Variants in RORA observed in about 807,000 individuals in gnomAD.
RORA encodes RAR related orphan receptor A.
A neutral mutation model predicts 69.5 loss-of-function variants in RORA; 7 were observed. That is an observed-to-expected ratio of 0.10 (90% CI 0.06 to 0.19). RORA has a LOEUF of 0.19. Among genes scored for constraint, RORA ranks in the 10% least tolerant of loss-of-function variants. The probability of loss-of-function intolerance (pLI) is 1.00; values close to 1 mark genes in which losing one functional copy is unlikely to be tolerated. For synonymous variants in RORA, 261 were observed against 240.8 expected (o/e 1.08, Z -0.78); for missense variants, 457 against 663.0 (o/e 0.69, Z 3.41).
intron 1 of RORA, among the ~76,000 whole-genome samples, chr15:61,064,459 C>G (rs1048884729): frequency 6.6e-6 from 1 of 152,174 alleles, no homozygotes; most frequent in Non-Finnish European, 1.5e-5. Context: ...CCATAACCTA[C>G]TACTCCCACA....
In RORA at chr15:61,014,342, G is replaced by A. The variant is rs537232871; in HGVS notation, c.166+214711C>T. On this transcript the variant is annotated intron_variant, in intron 1 of 10. Transcript: ENST00000335670. The stretch of plus-strand genomic sequence containing the variant: ...GGCACATAGTAGGTCCTTAGACAAG[G>A]CTGCGGATGTGGCTTCCTCATGTCC... Among the ~76,000 whole-genome samples, 10 of 152,324 alleles carry A rather than the reference G, an allele frequency of 6.6e-5. No individual in the cohort carries two copies. In the East Asian group the frequency reaches 1.9e-3, roughly 29 times the overall value.
intron 1 of RORA, among the ~76,000 whole-genome samples, chr15:61,033,853 G>C (rs1359547652): frequency 6.6e-6 from 1 of 151,878 alleles, no homozygotes; most frequent in Non-Finnish European, 1.5e-5. Flanking sequence ...AAGATTCCTT[G>C]AGCCCAGAAC....
rs184669539 is a variant in RORA at position 60,865,098 on chromosome 15, C to T, written c.167-186412G>A. ...GATCCTGGTTCTCCCATTGCCTGGT[C>T]CAACGTTCTTTCCACCACATTCCAG... On this transcript the variant is annotated intron_variant, in intron 1 of 10. Coordinates refer to ENST00000335670, the MANE Select transcript of RORA (RefSeq NM_134261.3). Among the ~76,000 whole-genome samples, 403 of 152,296 alleles carry T rather than the reference C, an allele frequency of 2.6e-3. 3 individuals are homozygous for T. Among genetic ancestry groups the T allele is most frequent in the African/African-American group, 9.2e-3 (382 of 41,566 alleles).
intron 1 of RORA, among the ~76,000 whole-genome samples, chr15:61,122,594 C>G (rs60876755): frequency 6.6e-6 from 1 of 152,032 alleles, no homozygotes; most frequent in Non-Finnish European, 1.5e-5. Context: ...AAATACCCTA[C>G]GGAGGATATC....
chr15:61,006,679 C>T (rs994128413), intron 1 of RORA, among the ~76,000 whole-genome samples: 1 of 152,154 alleles, frequency 6.6e-6, no homozygotes, highest in African/African-American at 2.4e-5. Flanking sequence ...CCCCATCAGA[C>T]ACAGTTGGAA....
chr15:61,171,541 G>C (rs2079585105), intron 1 of RORA, among the ~76,000 whole-genome samples: 1 of 152,188 alleles, frequency 6.6e-6, no homozygotes, highest in East Asian at 1.9e-4. Context: ...AGAATACACT[G>C]CTCAGATGTG....
intron 1 of RORA, among the ~76,000 whole-genome samples, chr15:61,066,772 G>C (rs1036603226): frequency 1.3e-5 from 2 of 148,522 alleles, no homozygotes; most frequent in African/African-American, 2.5e-5. Flanking sequence ...AGAAGTTCCA[G>C]CTCTTTTTGG....
chr15:60,790,792 T>C (rs1199219865), intron 1 of RORA, among the ~76,000 whole-genome samples: 1 of 152,228 alleles, frequency 6.6e-6, no homozygotes, highest in Non-Finnish European at 1.5e-5. Context: ...TGGTTATATA[T>C]GGCTTCTCAT....
chr15:60,811,391 A>G (rs341366), intron 1 of RORA, among the ~76,000 whole-genome samples: 57,049 of 152,090 alleles, frequency 0.38, 11,794 homozygotes, highest in Non-Finnish European at 0.46. Flanking sequence ...TAAGTCAGTT[A>G]TCTCTATTCC....
chr15:60,762,749 AT>A (rs2071913903), intron 1 of RORA, among the ~76,000 whole-genome samples: 1 of 152,178 alleles, frequency 6.6e-6, no homozygotes, highest in African/African-American at 2.4e-5. Flanking sequence ...CCCTAAAATT[AT>A]GTCTGCAAGG....
At chr15:61,178,971 A>G (rs1333405592) in intron 1 of RORA, among the ~76,000 whole-genome samples, 1 of 152,218 alleles carries the variant, frequency 6.6e-6, no homozygotes, top group Non-Finnish European at 1.5e-5. Context: ...CCTTTGGTAC[A>G]AAGAAAATCT....
chr15:60,974,883 G>A (rs28451105), intron 1 of RORA, among the ~76,000 whole-genome samples: 70,091 of 152,116 alleles, frequency 0.46, 16,269 homozygotes, highest in East Asian at 0.55. Flanking sequence ...AGAAAGGGAG[G>A]TGGCTTTCCT....
intron 1 of RORA, among the ~76,000 whole-genome samples, chr15:60,701,011 G>A (rs1231028228): frequency 1.3e-5 from 2 of 152,104 alleles, no homozygotes; most frequent in Non-Finnish European, 2.9e-5. Flanking sequence ...CCTCCACCCC[G>A]AGGAAGGAGG....
chr15:61,097,569 T>C (rs761488818), intron 1 of RORA, among the ~76,000 whole-genome samples: 13 of 152,088 alleles, frequency 8.5e-5, no homozygotes, highest in Admixed American at 8.5e-4. Context: ...TTATCCTCAG[T>C]ACCTGGCACA....
chr15:61,101,186 T>C (rs889290941), intron 1 of RORA, among the ~76,000 whole-genome samples: 1 of 152,194 alleles, frequency 6.6e-6, no homozygotes, highest in Admixed American at 6.5e-5. Flanking sequence ...ACATTTAAAA[T>C]ATACGGAAGA....
chr15:60,950,229 A>G (rs1427514156), intron 1 of RORA, among the ~76,000 whole-genome samples: 5 of 150,862 alleles, frequency 3.3e-5, no homozygotes, highest in Non-Finnish European at 4.4e-5. Flanking sequence ...TTTACAGACA[A>G]GCAAATGCTG....
chr15:60,733,758 G>A (rs997109538), intron 1 of RORA, among the ~76,000 whole-genome samples: 4 of 152,162 alleles, frequency 2.6e-5, no homozygotes, highest in Non-Finnish European at 5.9e-5. Context: ...CATGGGAGCA[G>A]AGAGAAAAGA....
At chr15:60,748,488 A>C (rs1029586014) in intron 1 of RORA, among the ~76,000 whole-genome samples, 1 of 152,144 alleles carries the variant, frequency 6.6e-6, no homozygotes, top group Non-Finnish European at 1.5e-5. Context: ...TCTTTGACTT[A>C]TATGTCAACT....
intron 1 of RORA, among the ~76,000 whole-genome samples, chr15:60,858,600 G>C (rs1312106453): frequency 2.0e-5 from 3 of 151,816 alleles, no homozygotes; most frequent in African/African-American, 7.3e-5. Flanking sequence ...AGCAGGGGTG[G>C]GCAGCAGGAA....
Sources: gnomAD v4.1 joint callset for allele counts (sites outside exome capture counted in the v4.1 genomes callset) on GRCh38, gnomAD v4.1.1 for gene constraint, MANE v1.5 for transcripts, NCBI Gene and HGNC (gene_info 2026-07-23, HGNC 2026-07-21) for gene names.